The following COL6A5 variants were observed in gnomAD, a reference collection of about 807,000 sequenced individuals.
COL6A5 encodes the protein collagen type VI alpha 5 chain, also known as collagen alpha-5(VI) chain.
A neutral mutation model predicts 65.6 loss-of-function variants in COL6A5; 48 were observed. The observed-to-expected ratio is 0.73, with a 90% CI of 0.58 to 0.93. COL6A5 has a LOEUF of 0.93. Among genes scored for constraint, COL6A5 ranks in the 40% least tolerant of loss-of-function variants. The pLI is 0.00. For missense variants in COL6A5, 914 were observed against 928.3 expected, an observed-to-expected ratio of 0.98 and a Z score of 0.20; for synonymous variants, 291 against 322.8, an observed-to-expected ratio of 0.90 and a Z score of 1.05.
At chr3:130,367,334 C>A (rs969080563) in intron 1 of COL6A5, among the ~76,000 whole-genome samples, 1 of 152,184 alleles carries the variant, frequency 6.6e-6, no homozygotes, top group Non-Finnish European at 1.5e-5. Context: ...ACCTGGGATC[C>A]TTGATCTCTC....
chr3:130,431,970 C>T, intron 1 of COL6A5, 21 bp downstream of exon 33: 1 of 1,544,638 alleles, frequency 6.5e-7, no homozygotes, highest in Non-Finnish European at 8.8e-7. Flanking sequence ...CTCTTGGCAA[C>T]TTCTTTAATT....
At chr3:130,398,908 T>C (rs753543343) in intron 10 of COL6A5, among the ~76,000 whole-genome samples, 1 of 152,206 alleles carries the variant, frequency 6.6e-6, no homozygotes, top group Non-Finnish European at 1.5e-5. Flanking sequence ...ACCACATACA[T>C]ACAAAATCCT....
chr3:130,379,403 TTTCTG>T lies in COL6A5; in HGVS notation c.668-13_668-9del. ...GTGGTTTATACTAATCCTCACACATTTTCTGTCTGCATAGTTCACTTCCCCATATC... is the reference window on the plus strand; with the variant it reads ...GTGGTTTATACTAATCCTCACACATTTCTGCATAGTTCACTTCCCCATATC... On this transcript the variant is annotated splice_polypyrimidine_tract_variant and intron_variant and NMD_transcript_variant, in intron 3 of 41. Transcript: ENST00000312481. 6.5e-7 allele frequency: 1 copy of T among 1,543,744 alleles called. No homozygotes were observed. Among genetic ancestry groups the T allele is most frequent in the East Asian group, 2.5e-5 (1 of 40,810 alleles).
intron 5 of COL6A5, among the ~76,000 whole-genome samples, chr3:130,385,984 AT>A (rs1210845935): frequency 2.0e-5 from 3 of 152,172 alleles, no homozygotes; most frequent in Non-Finnish European, 2.9e-5. Flanking sequence ...TTTTGTTCTA[AT>A]TAGAGATTAA....
intron 7 of COL6A5, among the ~76,000 whole-genome samples, chr3:130,481,941 A>G (rs1710256434): frequency 6.6e-6 from 1 of 152,266 alleles, no homozygotes; most frequent in East Asian, 1.9e-4. Context: ...GATTCTAGGT[A>G]TTAGCCCTTT....
At chr3:130,401,133 T>C in exon 11 of COL6A5, 2 of 1,549,160 alleles carry the variant, frequency 1.3e-6, no homozygotes, top group Non-Finnish European at 1.7e-6. Context: ...CATCTGACTA[T>C]TGGAATGAGA....
At chr3:130,367,539 C>T (rs1935387434) in intron 1 of COL6A5, among the ~76,000 whole-genome samples, 1 of 152,202 alleles carries the variant, frequency 6.6e-6, no homozygotes, top group African/African-American at 2.4e-5. Context: ...TTGGTCTCTA[C>T]TCTAAAGAAG....
chr3:130,397,006 G>T (rs1314611996), intron 8 of COL6A5, among the ~76,000 whole-genome samples: 1 of 152,086 alleles, frequency 6.6e-6, no homozygotes, highest in Admixed American at 6.5e-5. Context: ...GGGACTACAG[G>T]CGCCCGCCAC....
intron 18 of COL6A5, 102 bp downstream of exon 18, chr3:130,409,490 G>A: frequency 1.0e-6 from 1 of 999,096 alleles, no homozygotes; most frequent in Non-Finnish European, 1.5e-6. Context: ...GCAAATGGTT[G>A]TCTTAGGAGT....
At chr3:130,386,358 A>T (rs1426485151) in intron 5 of COL6A5, among the ~76,000 whole-genome samples, 17 of 152,108 alleles carry the variant, frequency 1.1e-4, no homozygotes, top group Admixed American at 1.0e-3. Flanking sequence ...GCTACAAAAA[A>T]GTTAGCTGTT....
intron 7 of COL6A5, among the ~76,000 whole-genome samples, chr3:130,472,550 G>A (rs777740321): frequency 2.0e-5 from 3 of 151,878 alleles, no homozygotes; most frequent in African/African-American, 4.8e-5. Context: ...TGTGGGAAAT[G>A]ATTTTAAAAT....
chr3:130,413,010 C>G (rs1937225210), intron 20 of COL6A5, among the ~76,000 whole-genome samples: 1 of 152,078 alleles, frequency 6.6e-6, no homozygotes, highest in African/African-American at 2.4e-5. Context: ...CTCAAGGAGG[C>G]AAAGACAGGG....
intron 5 of COL6A5, among the ~76,000 whole-genome samples, chr3:130,462,111 A>G (rs1709716328): frequency 6.6e-6 from 1 of 152,104 alleles, no homozygotes; most frequent in Non-Finnish European, 1.5e-5. Context: ...GCAAAACAAG[A>G]TAATTTTTAA....
Position 130,408,529 on chromosome 3 carries a change from G to A in COL6A5, c.4480-797G>A, listed in dbSNP as rs371560178. 8.5e-4 allele frequency among the ~76,000 whole-genome samples: 130 copies of A among 152,156 alleles called. 1 individual carries two copies. In the South Asian group the frequency reaches 0.021, roughly 24 times the overall value. Reference sequence around the variant, plus strand: ...GACCTTCATCAGTAATTCTAGTTTCGCCCTGGCCTTGTGATCTCACTCTGT... The same window carrying A: ...GACCTTCATCAGTAATTCTAGTTTCACCCTGGCCTTGTGATCTCACTCTGT... On this transcript the variant is annotated intron_variant and NMD_transcript_variant, in intron 17 of 41. Transcript: ENST00000312481.
intron 7 of COL6A5, among the ~76,000 whole-genome samples, chr3:130,472,748 T>C (rs1186755939): frequency 6.7e-6 from 1 of 149,414 alleles, no homozygotes; most frequent in African/African-American, 2.5e-5. Context: ...AATTAAAAAA[T>C]AAATTTTGGG....
At chr3:130,431,942 C>G (rs1559900144) in exon 1 of COL6A5, 2 of 1,548,588 alleles carry the variant, frequency 1.3e-6, no homozygotes, top group East Asian at 2.4e-5. Flanking sequence ...TTCCTTGAAG[C>G]TTTTGGGGTA....
In COL6A5 at chr3:130,388,574, A is replaced by T; in HGVS notation, c.1862-6A>T. The T allele has an allele frequency of 1.3e-6, 2 of 1,514,624 alleles. No homozygotes were observed. The highest frequency in any genetic ancestry group is 1.8e-6 in the Non-Finnish European group (2 of 1,132,662). The allele number at this position is 1,514,624 out of a possible 1,614,324, so 93.8% of individuals were successfully genotyped here. ...TATTTCTGGTCTTTTTTTTTATAAC[A>T]TGCAGGATGTGAAGACATGAAGGCC... On this transcript the variant is annotated splice_region_variant and splice_polypyrimidine_tract_variant and intron_variant and NMD_transcript_variant, in intron 5 of 41. Coordinates refer to the COL6A5 transcript ENST00000312481.
At chr3:130,430,814 A>G (rs1170267475), upstream of COL6A5, among the ~76,000 whole-genome samples, 1 of 151,962 alleles carries the variant, frequency 6.6e-6, no homozygotes, top group Non-Finnish European at 1.5e-5. Context: ...AATAATCTTT[A>G]CTCTGTACCT....
At chr3:130,421,426 C>T in intron 27 of COL6A5, 66 bp downstream of exon 27, 1 of 1,443,564 alleles carries the variant, frequency 6.9e-7, no homozygotes, top group Non-Finnish European at 9.5e-7. Context: ...CTGAGATAAA[C>T]CTGTAGGTCT....
Sources: gnomAD v4.1 joint callset for allele counts (sites outside exome capture counted in the v4.1 genomes callset) on GRCh38, gnomAD v4.1.1 for gene constraint, MANE v1.5 for transcripts, NCBI Gene and HGNC (gene_info 2026-07-23, HGNC 2026-07-21) for gene names.